The following ZNF678 variants were observed in gnomAD, a reference collection of about 807,000 sequenced individuals.
The protein encoded by ZNF678 is zinc finger protein 678.
In ZNF678, 5 loss-of-function variants were observed where a neutral mutation model predicts 3.0. That is an observed-to-expected ratio of 1.69 (90% confidence interval 0.88 to 3.56). The LOEUF is 3.56. ZNF678 is among the 30% of genes most tolerant of loss of function. ZNF678 has a pLI of 0.00. For missense variants in ZNF678, 593 were observed against 605.0 expected, an observed-to-expected ratio of 0.98 and a Z score of 0.21; for synonymous variants, 218 against 199.6, an observed-to-expected ratio of 1.09 and a Z score of -0.78.
At chr1:227,563,752 G>T (rs769657286) in intron 1 of ZNF678, 28 bp downstream of exon 1, 2 of 1,310,032 alleles carry the variant, frequency 1.5e-6, no homozygotes, top group Non-Finnish European at 1.0e-6. Context: ...GGTGTTCCAA[G>T]ATGGCGGTCC....
chr1:227,675,634 AT>A (rs1558165647), intron 5 of ZNF678, among the ~76,000 whole-genome samples: 1 of 151,762 alleles, frequency 6.6e-6, no homozygotes, highest in African/African-American at 2.4e-5. Context: ...TTCACTTAAA[AT>A]ACATTTTTTT....
At chr1:227,620,371 TTG>T (rs371058316) in intron 1 of ZNF678, among the ~76,000 whole-genome samples, 2 of 151,930 alleles carry the variant, frequency 1.3e-5, no homozygotes, top group Non-Finnish European at 2.9e-5. Flanking sequence ...CTGAAAAAGT[TTG>T]TGTGTGTGTG....
At position 227,650,598 on chromosome 1, in the gene ZNF678, TC is replaced by T. The variant is rs1326912589; in HGVS notation, c.-36-357del. On this transcript the variant is annotated intron_variant, in intron 2 of 3. Transcript: ENST00000343776. ...TAATATGACACTTTACAATAATTAGTCTTCTAATTCATAAACATTGGGTATC... is the reference window on the plus strand; with the variant it reads ...TAATATGACACTTTACAATAATTAGTTTCTAATTCATAAACATTGGGTATC... Among the ~76,000 whole-genome samples, 14 of 152,184 alleles carry T rather than the reference TC, an allele frequency of 9.2e-5. 1 individual carries two copies. The highest frequency in any genetic ancestry group is 9.2e-4 in the Admixed American group (14 of 15,280).
intron 1 of ZNF678, among the ~76,000 whole-genome samples, chr1:227,567,636 A>G (rs1285404897): frequency 2.0e-5 from 3 of 152,056 alleles, no homozygotes; most frequent in Non-Finnish European, 4.4e-5. Flanking sequence ...CTGTTTCTAG[A>G]CTTTGTCAAA....
chr1:227,564,388 T>C (rs1024741953), intron 1 of ZNF678, among the ~76,000 whole-genome samples: 1 of 152,218 alleles, frequency 6.6e-6, no homozygotes, highest in African/African-American at 2.4e-5. Flanking sequence ...ATTAATATTC[T>C]TTTTCATGTA....
intron 1 of ZNF678, among the ~76,000 whole-genome samples, chr1:227,588,945 T>C (rs1407418544): frequency 6.6e-6 from 1 of 152,188 alleles, no homozygotes; most frequent in African/African-American, 2.4e-5. Context: ...ATGTCTTCTT[T>C]TGAGAAGTGT....
In ZNF678 at chr1:227,655,637, T is replaced by C; in HGVS notation, c.1387T>C (p.Cys463Arg). ...RIHTEEKPYK[C>R]EECGKAFNQF... Reference sequence around the variant, plus strand: ...TCATACTGAAGAGAAACCCTACAAATGTGAAGAATGTGGCAAAGCCTTTAA... The same window carrying C: ...TCATACTGAAGAGAAACCCTACAAACGTGAAGAATGTGGCAAAGCCTTTAA... The change falls in exon 4 of 4, where the codon TGT (cysteine) becomes CGT (arginine). Residue 463 changes from cysteine to arginine, a missense_variant. By Grantham distance (180) the Cys-to-Arg change is radical (BLOSUM62 -3). Transcript: ENST00000343776. 2 of 1,612,750 alleles carry C rather than the reference T, an allele frequency of 1.2e-6. No homozygotes were observed. Among genetic ancestry groups the C allele is most frequent in the Non-Finnish European group, 1.7e-6 (2 of 1,179,294 alleles).
chr1:227,650,516 A>T (rs960980340), intron 2 of ZNF678, among the ~76,000 whole-genome samples: 1 of 152,136 alleles, frequency 6.6e-6, no homozygotes, highest in African/African-American at 2.4e-5. Context: ...CCATTATTTT[A>T]AAAATGGCCA....
At chr1:227,579,968 C>A (rs1368390903) in intron 1 of ZNF678, among the ~76,000 whole-genome samples, 2 of 152,136 alleles carry the variant, frequency 1.3e-5, no homozygotes, top group Non-Finnish European at 2.9e-5. Context: ...GCTATCTCTA[C>A]CAAGTAGGGG....
At chr1:227,631,175 CT>C (rs1208702033) in intron 1 of ZNF678, among the ~76,000 whole-genome samples, 1 of 152,112 alleles carries the variant, frequency 6.6e-6, no homozygotes, top group Non-Finnish European at 1.5e-5. Context: ...GCCAGTACCC[CT>C]AGTCATTTTC....
Position 227,658,192 on chromosome 1 carries a change from T to A in ZNF678, c.*2364T>A, listed in dbSNP as rs1223450683. ...GGTTTTTGTTTCCATTTTAATATTT[T>A]ACATAATTGAATTTTTTTCACTTTA... On this transcript the variant is annotated 3_prime_UTR_variant, in exon 4 of 4. Coordinates refer to ENST00000343776, the MANE Select transcript of ZNF678 (RefSeq NM_001367909.1). The A allele has an allele frequency of 6.6e-6, 1 of 152,084 alleles. No individual in the cohort carries two copies. The highest frequency in any genetic ancestry group is 2.4e-5 in the African/African-American group (1 of 41,446). 9.4% of individuals were successfully genotyped at this position (152,084 alleles called of 1,614,324 possible).
intron 1 of ZNF678, among the ~76,000 whole-genome samples, chr1:227,583,352 C>CTTTTTTTTTTTTTTTTTT (rs796974595): frequency 4.5e-5 from 6 of 131,908 alleles, no homozygotes; most frequent in Non-Finnish European, 6.5e-5. Context: ...TTTCTTTTTT[C>CTTTTTTTTTTTTTTTTTT]TTTTTTTTTT....
At chr1:227,616,144 C>G (rs1009446238) in intron 1 of ZNF678, among the ~76,000 whole-genome samples, 1 of 152,192 alleles carries the variant, frequency 6.6e-6, no homozygotes, top group African/African-American at 2.4e-5. Flanking sequence ...GGTCCTGTTT[C>G]AGGAACACCT....
chr1:227,640,388 GA>G, intron 1 of ZNF678, among the ~76,000 whole-genome samples: 1 of 152,028 alleles, frequency 6.6e-6, no homozygotes, highest in East Asian at 1.9e-4. Context: ...TAGGGACTGG[GA>G]GGGGTGGGCA....
chr1:227,586,024 A>G (rs1303082546), intron 1 of ZNF678, among the ~76,000 whole-genome samples: 1 of 152,114 alleles, frequency 6.6e-6, no homozygotes, highest in Non-Finnish European at 1.5e-5. Flanking sequence ...TCCACTTTTC[A>G]GCAATAAAAA....
chr1:227,590,842 C>T (rs1335584173), intron 1 of ZNF678, among the ~76,000 whole-genome samples: 1 of 151,718 alleles, frequency 6.6e-6, no homozygotes, highest in Non-Finnish European at 1.5e-5. Flanking sequence ...TGAACTCCAC[C>T]ATGTGGTCTT....
chr1:227,565,599 T>C (rs909279629), intron 1 of ZNF678, among the ~76,000 whole-genome samples: 1 of 152,118 alleles, frequency 6.6e-6, no homozygotes, highest in African/African-American at 2.4e-5. Flanking sequence ...TAAAGATTTG[T>C]TATCTGTTTG....
chr1:227,603,997 G>GCATGT (rs995624811), intron 1 of ZNF678, among the ~76,000 whole-genome samples: 3 of 152,194 alleles, frequency 2.0e-5, no homozygotes, highest in African/African-American at 7.2e-5. Context: ...ATCTGTTGTA[G>GCATGT]CATGTAGCAT....
intron 1 of ZNF678, among the ~76,000 whole-genome samples, chr1:227,613,221 C>T (rs1247687768): frequency 6.6e-6 from 1 of 152,156 alleles, no homozygotes; most frequent in Non-Finnish European, 1.5e-5. Flanking sequence ...GTGGCCAACC[C>T]ACCTTTCAAC....
Sources: gnomAD v4.1 joint callset for allele counts (sites outside exome capture counted in the v4.1 genomes callset) on GRCh38, gnomAD v4.1.1 for gene constraint, MANE v1.5 for transcripts, NCBI Gene and HGNC (gene_info 2026-07-23, HGNC 2026-07-21) for gene names.